Variants in IMMP2L observed in about 807,000 individuals in gnomAD.
The protein encoded by IMMP2L is inner mitochondrial membrane peptidase subunit 2.
A neutral mutation model predicts 19.3 loss-of-function variants in IMMP2L; 18 were observed. The ratio of observed to expected loss-of-function variants is 0.93; its 90% CI spans 0.64 to 1.38. The LOEUF (loss-of-function observed/expected upper bound fraction) is 1.38. Among genes scored for constraint, IMMP2L ranks in the 40% most tolerant of loss-of-function variants. The pLI is 0.00. For missense variants in IMMP2L, 233 were observed against 218.2 expected (o/e 1.07, Z -0.43); for synonymous variants, 76 against 73.0 (o/e 1.04, Z -0.21).
intron 5 of IMMP2L, among the ~76,000 whole-genome samples, chr7:110,858,403 C>G (rs965500754): frequency 6.6e-6 from 1 of 152,116 alleles, no homozygotes. Flanking sequence ...TTTAATCAAA[C>G]TCCTTGGACT....
At chr7:111,501,928 A>C (rs556854477) in intron 2 of IMMP2L, among the ~76,000 whole-genome samples, 6 of 152,298 alleles carry the variant, frequency 3.9e-5, no homozygotes, top group African/African-American at 7.2e-5. Flanking sequence ...TGAGCAAAAT[A>C]ACCAGCTAAC....
chr7:111,439,005 T>G (rs1363285173), intron 3 of IMMP2L, among the ~76,000 whole-genome samples: 2 of 151,802 alleles, frequency 1.3e-5, no homozygotes, highest in Admixed American at 6.6e-5. Context: ...ACAACATTAC[T>G]TGGCAACAAA....
At chr7:111,134,060 T>C (rs1483993693) in intron 3 of IMMP2L, among the ~76,000 whole-genome samples, 2 of 152,036 alleles carry the variant, frequency 1.3e-5, no homozygotes, top group East Asian at 3.8e-4. Flanking sequence ...CCAAATGTAA[T>C]GTAAAATTGT....
intron 3 of IMMP2L, among the ~76,000 whole-genome samples, chr7:111,177,417 A>G (rs1455234306): frequency 1.3e-5 from 2 of 152,008 alleles, no homozygotes; most frequent in Non-Finnish European, 2.9e-5. Flanking sequence ...CTGGCCTCAA[A>G]CAATCCTTCT....
chr7:111,376,451 G>A (rs1830683967), intron 3 of IMMP2L, among the ~76,000 whole-genome samples: 1 of 152,104 alleles, frequency 6.6e-6, no homozygotes, highest in Non-Finnish European at 1.5e-5. Flanking sequence ...CACTGCTGGT[G>A]AGAATGTGAA....
chr7:110,785,967 C>T (rs574136785), intron 5 of IMMP2L, among the ~76,000 whole-genome samples: 2 of 151,796 alleles, frequency 1.3e-5, no homozygotes, highest in Admixed American at 6.6e-5. Flanking sequence ...AAGGATCTTT[C>T]GTATTTTCTG....
intron 3 of IMMP2L, among the ~76,000 whole-genome samples, chr7:111,293,308 T>C (rs1308700470): frequency 6.6e-6 from 1 of 152,002 alleles, no homozygotes; most frequent in Non-Finnish European, 1.5e-5. Context: ...AGAGCAATTT[T>C]TGATTCTAAT....
intron 5 of IMMP2L, among the ~76,000 whole-genome samples, chr7:110,739,753 A>G (rs774510153): frequency 6.6e-6 from 1 of 152,178 alleles, no homozygotes; most frequent in Non-Finnish European, 1.5e-5. Flanking sequence ...ACAACTGCAG[A>G]ATATACATTC....
intron 3 of IMMP2L, among the ~76,000 whole-genome samples, chr7:111,350,441 C>G (rs1008243965): frequency 6.6e-6 from 1 of 151,628 alleles, no homozygotes; most frequent in Non-Finnish European, 1.5e-5. Context: ...ACTCATTGAA[C>G]AGGGCCATCT....
intron 1 of IMMP2L, among the ~76,000 whole-genome samples, chr7:111,531,044 C>T (rs1847343392): frequency 6.6e-6 from 1 of 151,662 alleles, no homozygotes; most frequent in Admixed American, 6.6e-5. Context: ...CTCCGCCTCC[C>T]GGGTTCACGC....
chr7:110,822,329 A>G (rs1803106247), intron 5 of IMMP2L, among the ~76,000 whole-genome samples: 1 of 152,118 alleles, frequency 6.6e-6, no homozygotes, highest in Non-Finnish European at 1.5e-5. Flanking sequence ...TGCAGGACAT[A>G]AAAGATCCTC....
chr7:110,713,188 T>C (rs1331569596), intron 5 of IMMP2L, among the ~76,000 whole-genome samples: 1 of 152,182 alleles, frequency 6.6e-6, no homozygotes, highest in Non-Finnish European at 1.5e-5. Flanking sequence ...TTGCTTATTT[T>C]TGTTGGGTTT....
At chr7:111,151,977 A>G (rs534473335) in intron 3 of IMMP2L, among the ~76,000 whole-genome samples, 1 of 152,246 alleles carries the variant, frequency 6.6e-6, no homozygotes, top group African/African-American at 2.4e-5. Context: ...TGAGATTAAG[A>G]GAGTACTGTC....
rs1800387677 is a variant in IMMP2L, at chr7:110,790,445, G to C, written c.408+96148C>G. Among the ~76,000 whole-genome samples the C allele has an allele frequency of 2.6e-5, 4 of 151,880 alleles. No homozygotes were observed. In the South Asian group the frequency reaches 6.2e-4, roughly 24 times the overall value. The stretch of plus-strand genomic sequence containing the variant: ...GAGCAAGAGAGGAAGAAGCATCAAG[G>C]GGACCAGTCCAGAGGCTTTTGCAGT... On this transcript the variant is annotated intron_variant, in intron 5 of 5. Coordinates refer to ENST00000405709, the MANE Select transcript of IMMP2L (RefSeq NM_032549.4).
intron 5 of IMMP2L, among the ~76,000 whole-genome samples, chr7:110,815,943 G>T (rs1355092335): frequency 6.6e-6 from 1 of 151,904 alleles, no homozygotes; most frequent in African/African-American, 2.4e-5. Context: ...ATTTTTGAAG[G>T]GTTTTTTGTG....
intron 3 of IMMP2L, among the ~76,000 whole-genome samples, chr7:111,048,274 G>GAAAA (rs1421261292): frequency 7.9e-6 from 1 of 126,850 alleles, no homozygotes; most frequent in African/African-American, 3.1e-5. Flanking sequence ...AAGAAAAAAA[G>GAAAA]AAAAAAGAAA....
intron 3 of IMMP2L, among the ~76,000 whole-genome samples, chr7:111,211,004 T>TA (rs924527430): frequency 5.9e-5 from 9 of 152,110 alleles, no homozygotes; most frequent in African/African-American, 2.2e-4. Flanking sequence ...TTCTTCTTCC[T>TA]AAAAAATAAT....
At chr7:111,517,015 T>A (rs1009823258) in intron 2 of IMMP2L, among the ~76,000 whole-genome samples, 2 of 152,100 alleles carry the variant, frequency 1.3e-5, no homozygotes, top group African/African-American at 4.8e-5. Context: ...ACAATGTATC[T>A]CTTTTCTTAA....
intron 3 of IMMP2L, among the ~76,000 whole-genome samples, chr7:111,422,303 T>A (rs1364910266): frequency 6.6e-6 from 1 of 151,912 alleles, no homozygotes; most frequent in Non-Finnish European, 1.5e-5. Flanking sequence ...ATCAATAAAT[T>A]ACTTTGGGCA....
Sources: allele counts gnomAD v4.1 joint callset (sites outside exome capture counted in the v4.1 genomes callset), GRCh38; gene constraint gnomAD v4.1.1; transcripts MANE v1.5; gene names NCBI Gene and HGNC (gene_info 2026-07-23, HGNC 2026-07-21).